Variants in FAAH2 observed in about 807,000 individuals in gnomAD.
FAAH2 encodes fatty-acid amide hydrolase 2.
In FAAH2, 60 loss-of-function variants were observed where a neutral mutation model predicts 36.9. The observed-to-expected ratio is 1.63, with a 90% CI of 1.32 to 2.02. FAAH2 has a LOEUF of 2.02. Among genes scored for constraint, FAAH2 ranks in the 30% most tolerant of loss-of-function variants. The pLI, the probability that FAAH2 is intolerant of heterozygous loss-of-function variation, is 0.00. For missense variants in FAAH2, 689 were observed against 397.5 expected (o/e 1.73, Z -6.23); for synonymous variants, 214 against 143.8 (o/e 1.49, Z -3.49).
chrX:57,338,717 T>C (rs1439047307), intron 4 of FAAH2, among the ~76,000 whole-genome samples: 1 of 110,755 alleles, frequency 9.0e-6, no homozygotes, highest in Non-Finnish European at 1.9e-5. Context: ...GTGAAGAACT[T>C]CTTCAAGGAA....
At chrX:57,352,101 T>TACACAC (rs1388626641) in intron 5 of FAAH2, among the ~76,000 whole-genome samples, 4 of 47,778 alleles carry the variant, frequency 8.4e-5, no homozygotes, top group Non-Finnish European at 1.3e-4. Context: ...TGCACATATA[T>TACACAC]ATATATGTGT....
chrX:57,152,402 C>G, the FAAH2 span, among the ~76,000 whole-genome samples: 1 of 112,643 alleles, frequency 8.9e-6, no homozygotes, highest in Non-Finnish European at 1.9e-5. Context: ...CCTCCTTGAG[C>G]TGTGGCAGGC....
chrX:57,170,574 T>G, the FAAH2 span, among the ~76,000 whole-genome samples: 2 of 111,633 alleles, frequency 1.8e-5, no homozygotes, highest in African/African-American at 6.5e-5. Flanking sequence ...TAGTTTTTAA[T>G]TCCTTGACCC....
the FAAH2 span, among the ~76,000 whole-genome samples, chrX:57,170,027 G>A: frequency 2.7e-5 from 3 of 111,444 alleles, no homozygotes; most frequent in East Asian, 5.7e-4. Context: ...CTGCAGTGCA[G>A]TGGCACAATC....
chrX:57,148,035 C>T, the FAAH2 span, among the ~76,000 whole-genome samples: 1 of 111,208 alleles, frequency 9.0e-6, no homozygotes, highest in African/African-American at 3.3e-5. Flanking sequence ...CATTCTGCAG[C>T]TGTTGGATAC....
intron 8 of FAAH2, among the ~76,000 whole-genome samples, chrX:57,442,971 A>C (rs2056596015): frequency 8.9e-6 from 1 of 111,906 alleles, no homozygotes; most frequent in Non-Finnish European, 1.9e-5. Context: ...GTTTCTGCCG[A>C]GAGATCCACT....
rs185217789 is a variant in FAAH2 at position 57,447,270 on chromosome X, G to A, written c.1228+231G>A. ...CAGCTCCACCCCTATGGCTTTCCAG[G>A]GTATAGCCTCCCTCCAAGTTGCTTT... On this transcript the variant is annotated intron_variant, in intron 9 of 10. Transcript: ENST00000374900. Among the ~76,000 whole-genome samples the A allele has an allele frequency of 8.1e-5, 9 of 111,293 alleles. No individual in the cohort carries two copies. In the East Asian group the frequency reaches 2.6e-3, roughly 32 times the overall value.
chrX:57,236,148 A>G, the FAAH2 span, among the ~76,000 whole-genome samples: 1 of 111,667 alleles, frequency 9.0e-6, no homozygotes, highest in Admixed American at 9.5e-5. Context: ...CTTTAGGTTG[A>G]TCCCTTCTGC....
intron 4 of FAAH2, among the ~76,000 whole-genome samples, chrX:57,335,198 G>A (rs912164910): frequency 5.4e-5 from 6 of 112,022 alleles, no homozygotes; most frequent in South Asian, 7.5e-4. Context: ...ACCTGTGGGC[G>A]TTTCTCGTTA....
intron 5 of FAAH2, 57 bp from the exon 6 acceptor site, chrX:57,378,594 A>G: frequency 5.0e-6 from 6 of 1,189,203 alleles, no homozygotes; most frequent in Non-Finnish European, 6.8e-6. Flanking sequence ...AATGAAATAC[A>G]ACATGCAGGG....
At chrX:57,166,355 G>T in the FAAH2 span, among the ~76,000 whole-genome samples, 2 of 111,986 alleles carry the variant, frequency 1.8e-5, no homozygotes, top group Non-Finnish European at 1.9e-5. Flanking sequence ...GTCTAATTGA[G>T]CTGATAAACA....
At position 57,344,291 on chromosome X, in the gene FAAH2, TTTG is replaced by T. The variant is rs1261549169; in HGVS notation, c.742+2907_742+2909del. ...TCATCTCATATTTTTTCAGCAGTAT[TTTG>T]TTGTTCTTTTTGTAAAGATGTTTCA... On this transcript the variant is annotated intron_variant, in intron 5 of 10. Coordinates refer to ENST00000374900, the MANE Select transcript of FAAH2 (RefSeq NM_174912.4). Among the ~76,000 whole-genome samples, 3 of 111,082 alleles carry T rather than the reference TTTG, an allele frequency of 2.7e-5. No homozygotes were observed. In the Admixed American group the frequency reaches 2.9e-4, roughly 11 times the overall value.
the FAAH2 span, among the ~76,000 whole-genome samples, chrX:57,185,488 CTGTGTGTGTG>C: frequency 9.2e-3 from 863 of 93,983 alleles, 11 homozygotes; most frequent in African/African-American, 0.035. Context: ...CTCTCTGTCT[CTGTGTGTGTG>C]TGTGTGTGTG....
At chrX:57,420,668 A>G (rs2055994485) in intron 7 of FAAH2, among the ~76,000 whole-genome samples, 1 of 109,025 alleles carries the variant, frequency 9.2e-6, no homozygotes, top group South Asian at 4.1e-4. Flanking sequence ...ATCTGCAAAC[A>G]GGGACAATTT....
chrX:57,135,866 A>G, the FAAH2 span: 1 of 1,208,479 alleles, frequency 8.3e-7, no homozygotes, highest in Admixed American at 2.2e-5. Flanking sequence ...GGAAATCATC[A>G]TCAAACTTGA....
chrX:57,445,369 A>C (rs894017247), intron 8 of FAAH2, among the ~76,000 whole-genome samples: 2 of 111,264 alleles, frequency 1.8e-5, no homozygotes, highest in Non-Finnish European at 3.8e-5. Context: ...TTTTATGCTG[A>C]GTTGTCTAGA....
chrX:57,216,740 G>A, the FAAH2 span, among the ~76,000 whole-genome samples: 1 of 99,635 alleles, frequency 1.0e-5, no homozygotes, highest in South Asian at 4.9e-4. Flanking sequence ...ACATGCGTGT[G>A]CAAGTATCTT....
the FAAH2 span, among the ~76,000 whole-genome samples, chrX:57,157,035 A>G: frequency 8.9e-6 from 1 of 112,403 alleles, no homozygotes; most frequent in South Asian, 3.7e-4. Context: ...TTTAATAATG[A>G]TGTACAGGAA....
chrX:57,137,847 C>G, the FAAH2 span, among the ~76,000 whole-genome samples: 1 of 111,430 alleles, frequency 9.0e-6, no homozygotes, highest in Non-Finnish European at 1.9e-5. Flanking sequence ...TCCTTTACGA[C>G]CATATGCAAA....
Sources: allele counts gnomAD v4.1 joint callset (sites outside exome capture counted in the v4.1 genomes callset), GRCh38; gene constraint gnomAD v4.1.1; transcripts MANE v1.5; gene names NCBI Gene and HGNC (gene_info 2026-07-23, HGNC 2026-07-21).